The following ADAMTSL3 variants were observed in gnomAD, a reference collection of about 807,000 sequenced individuals.
The protein encoded by ADAMTSL3 is ADAMTS like 3, also known as ADAMTS-like protein 3.
ADAMTSL3 carries 128 observed loss-of-function variants against 201.7 expected under a neutral mutation model. That is an observed-to-expected ratio of 0.63 (90% CI 0.55 to 0.73). The LOEUF (loss-of-function observed/expected upper bound fraction) is 0.73, where lower values mean the gene tolerates loss of function less well. ADAMTSL3 is among the 30% of genes least tolerant of loss of function. The probability of loss-of-function intolerance (pLI) is 0.00; values close to 1 mark genes in which losing one functional copy is unlikely to be tolerated. For missense variants in ADAMTSL3, 1,990 were observed against 2,119.6 expected (o/e 0.94, Z 1.20); for synonymous variants, 738 against 748.4 (o/e 0.99, Z 0.23).
intron 3 of ADAMTSL3, among the ~76,000 whole-genome samples, chr15:83,758,784 A>G (rs1180906282): frequency 6.6e-6 from 1 of 152,116 alleles, no homozygotes; most frequent in East Asian, 1.9e-4. Context: ...AATTGTAAGA[A>G]TTCATTATAT....
At chr15:83,923,539 T>C (rs2066186637) in intron 16 of ADAMTSL3, among the ~76,000 whole-genome samples, 1 of 152,204 alleles carries the variant, frequency 6.6e-6, no homozygotes, top group Non-Finnish European at 1.5e-5. Context: ...ATTGTGACTG[T>C]TTGGAAGGAA....
chr15:83,723,023 A>G (rs972883755), intron 3 of ADAMTSL3, among the ~76,000 whole-genome samples: 1 of 152,210 alleles, frequency 6.6e-6, no homozygotes, highest in African/African-American at 2.4e-5. Flanking sequence ...ATACTTGTCG[A>G]AAAACATTCA....
chr15:83,673,380 T>C (rs1196189758), intron 2 of ADAMTSL3, among the ~76,000 whole-genome samples: 1 of 152,222 alleles, frequency 6.6e-6, no homozygotes, highest in Non-Finnish European at 1.5e-5. Context: ...ATAGATAATG[T>C]ACTGATTGCT....
chr15:84,000,059 C>CAA (rs1034311967), intron 23 of ADAMTSL3, among the ~76,000 whole-genome samples: 1 of 134,648 alleles, frequency 7.4e-6, no homozygotes, highest in African/African-American at 2.7e-5. Context: ...TCCCTTTGGC[C>CAA]AAAAAAAAAA....
intron 3 of ADAMTSL3, among the ~76,000 whole-genome samples, chr15:83,771,778 A>G (rs1282788552): frequency 4.6e-5 from 7 of 152,214 alleles, no homozygotes; most frequent in Non-Finnish European, 8.8e-5. Flanking sequence ...GTTCTTTTGG[A>G]TAAATACCAA....
intron 8 of ADAMTSL3, among the ~76,000 whole-genome samples, chr15:83,861,101 T>C (rs2064847378): frequency 6.6e-6 from 1 of 152,276 alleles, no homozygotes; most frequent in Admixed American, 6.5e-5. Flanking sequence ...AACTGCAAGG[T>C]GGCAGCGAGG....
intron 4 of ADAMTSL3, among the ~76,000 whole-genome samples, chr15:83,776,947 A>AC (rs2063085735): frequency 3.1e-5 from 2 of 65,082 alleles, no homozygotes. Flanking sequence ...AGTGAGCAGA[A>AC]TGGCAGTCCC....
chr15:83,857,168 T>C (rs975769099), intron 7 of ADAMTSL3, among the ~76,000 whole-genome samples: 20 of 152,170 alleles, frequency 1.3e-4, no homozygotes, highest in African/African-American at 4.6e-4. Context: ...GAATAGGTTG[T>C]TTTTTGTTGT....
chr15:83,714,395 A>G (rs1440595493), intron 3 of ADAMTSL3, among the ~76,000 whole-genome samples: 1 of 152,180 alleles, frequency 6.6e-6, no homozygotes, highest in Non-Finnish European at 1.5e-5. Context: ...GCCAGGTGTT[A>G]TTGATGAAGC....
chr15:84,014,587 T>A lies in ADAMTSL3; in HGVS notation c.4019T>A (p.Leu1340Gln), dbSNP rs1463400641. Residue 1340 changes from leucine (L) to glutamine (Q), a missense_variant, in exon 24 of 30, where the codon CTG becomes CAG. Physicochemically the swap from Leu to Gln is moderately radical, Grantham distance 113. Transcript: ENST00000286744. ...NITWLKRGGS[L>Q]SGNVSLLFNG... is the part of the protein sequence containing the mutation. ...ACTTGGTTGAAGAGAGGAGGATCTC[T>A]GAGTGGCAATGTTTCCTTGCTTTTC... The A allele has an allele frequency of 1.2e-6, 2 of 1,614,060 alleles. No individual in the cohort carries two copies. Among genetic ancestry groups the A allele is most frequent in the Non-Finnish European group, 1.7e-6 (2 of 1,180,022 alleles).
intron 4 of ADAMTSL3, among the ~76,000 whole-genome samples, chr15:83,801,486 GAA>G (rs1224680002): frequency 6.7e-6 from 1 of 150,302 alleles, no homozygotes; most frequent in South Asian, 2.1e-4. Context: ...AACTGCAAAG[GAA>G]AAAGAGTGGA....
At chr15:83,767,493 G>C (rs979610080) in intron 3 of ADAMTSL3, among the ~76,000 whole-genome samples, 1 of 152,208 alleles carries the variant, frequency 6.6e-6, no homozygotes. Context: ...GGAATTGGGA[G>C]CAGCTATACT....
Position 84,025,287 on chromosome 15 carries a change from T to C in ADAMTSL3, c.4507T>C (p.Tyr1503His), listed in dbSNP as rs1237669349. ...SQCSVSCGEG[Y>H]HSRQVTCKRT... ...GTGCTCTGTGTCTTGCGGTGAAGGA[T>C]ACCACAGTCGGCAGGTGACGTGCAA... Residue 1503 changes from tyrosine to histidine, a missense_variant, in exon 27 of 30, where the codon TAC (tyrosine) becomes CAC (histidine). By Grantham distance (83) the Tyr-to-His change is moderately conservative. Transcript: ENST00000286744. 1 of 1,613,786 alleles carries C rather than the reference T, an allele frequency of 6.2e-7. No homozygotes were observed. The highest frequency in any genetic ancestry group is 1.3e-5 in the African/African-American group (1 of 74,938).
At chr15:83,753,872 G>C (rs1037466537) in intron 3 of ADAMTSL3, among the ~76,000 whole-genome samples, 1 of 152,176 alleles carries the variant, frequency 6.6e-6, no homozygotes, top group African/African-American at 2.4e-5. Flanking sequence ...TTGCTCTAAT[G>C]TGATAAACGA....
chr15:83,706,395 G>A (rs35075309), intron 3 of ADAMTSL3, among the ~76,000 whole-genome samples: 13,705 of 152,210 alleles, frequency 0.09, 823 homozygotes, highest in Middle Eastern at 0.17. Flanking sequence ...AGGACATAGT[G>A]TTCCAGAAAG....
chr15:83,881,995 A>G (rs1428197317), intron 9 of ADAMTSL3, among the ~76,000 whole-genome samples: 2 of 152,108 alleles, frequency 1.3e-5, no homozygotes, highest in African/African-American at 2.4e-5. Flanking sequence ...CTACTAAAAA[A>G]AATACAAAAA....
intron 23 of ADAMTSL3, among the ~76,000 whole-genome samples, chr15:83,992,925 C>T (rs79182169): frequency 6.6e-6 from 1 of 152,216 alleles, no homozygotes; most frequent in African/African-American, 2.4e-5. Flanking sequence ...CATCTCTCCC[C>T]TTCCTCCCTC....
chr15:84,010,252 C>T (rs775778197), intron 23 of ADAMTSL3, among the ~76,000 whole-genome samples: 1 of 152,182 alleles, frequency 6.6e-6, no homozygotes. Context: ...TGCACTTTTG[C>T]CCTCAAATAT....
chr15:83,816,832 T>C (rs1374662770), intron 5 of ADAMTSL3, among the ~76,000 whole-genome samples: 2 of 152,144 alleles, frequency 1.3e-5, no homozygotes. Flanking sequence ...ATGGCAAAAC[T>C]GTCTCTACAA....
Sources: gnomAD v4.1 joint callset for allele counts (sites outside exome capture counted in the v4.1 genomes callset) on GRCh38, gnomAD v4.1.1 for gene constraint, MANE v1.5 for transcripts, NCBI Gene and HGNC (gene_info 2026-07-23, HGNC 2026-07-21) for gene names.